GPC6: variants seen among roughly 807,000 people sequenced by gnomAD.
The protein encoded by GPC6 is glypican-6.
In GPC6, 14 loss-of-function variants were observed where a neutral mutation model predicts 55.2. That is an observed-to-expected ratio of 0.25 (90% CI 0.17 to 0.40). GPC6 has a LOEUF of 0.40. Among genes scored for constraint, GPC6 ranks in the 10% least tolerant of loss-of-function variants. The pLI is 1.00. For synonymous variants in GPC6, 278 were observed against 259.6 expected, an observed-to-expected ratio of 1.07 and a Z score of -0.68; for missense variants, 641 against 708.5, an observed-to-expected ratio of 0.90 and a Z score of 1.08.
chr13:93,885,921 A>G (rs1214294427), intron 3 of GPC6, among the ~76,000 whole-genome samples: 2 of 152,130 alleles, frequency 1.3e-5, no homozygotes, highest in African/African-American at 4.8e-5. Context: ...CCGGTGATGC[A>G]GGTGGTTGGT....
At chr13:93,610,371 A>G (rs1336084494) in intron 2 of GPC6, among the ~76,000 whole-genome samples, 1 of 152,188 alleles carries the variant, frequency 6.6e-6, no homozygotes, top group African/African-American at 2.4e-5. Flanking sequence ...CGCAACCCAG[A>G]ATGTGTGCGT....
intron 1 of GPC6, among the ~76,000 whole-genome samples, chr13:93,406,595 C>T (rs1416216239): frequency 6.6e-6 from 1 of 152,110 alleles, no homozygotes; most frequent in Non-Finnish European, 1.5e-5. Flanking sequence ...CTAACATAAA[C>T]CACTGAATAA....
intron 2 of GPC6, among the ~76,000 whole-genome samples, chr13:93,711,791 T>A (rs184092461): frequency 2.0e-5 from 3 of 151,678 alleles, no homozygotes; most frequent in Non-Finnish European, 4.4e-5. Context: ...CACCCAAGCA[T>A]AGCCTGGAAA....
At chr13:93,357,078 C>T (rs1293894044) in intron 1 of GPC6, among the ~76,000 whole-genome samples, 1 of 152,134 alleles carries the variant, frequency 6.6e-6, no homozygotes, top group Non-Finnish European at 1.5e-5. Context: ...GTGTATAACC[C>T]AGTTTCCTCC....
At chr13:93,969,502 A>C (rs1880191280) in intron 3 of GPC6, among the ~76,000 whole-genome samples, 1 of 152,136 alleles carries the variant, frequency 6.6e-6, no homozygotes, top group African/African-American at 2.4e-5. Context: ...CCAAGCAACC[A>C]TGAAGCTATC....
chr13:94,196,144 G>C (rs1889565527), intron 4 of GPC6, among the ~76,000 whole-genome samples: 1 of 151,390 alleles, frequency 6.6e-6, no homozygotes, highest in South Asian at 2.1e-4. Flanking sequence ...GAGGAAGCCG[G>C]GCCATACTGC....
chr13:93,488,198 C>G (rs923816160), intron 1 of GPC6, among the ~76,000 whole-genome samples: 7 of 152,050 alleles, frequency 4.6e-5, no homozygotes, highest in African/African-American at 1.4e-4. Context: ...CAAATCCCAA[C>G]TATTAGTGAG....
At chr13:94,044,399 T>G (rs542265745) in intron 4 of GPC6, among the ~76,000 whole-genome samples, 1 of 151,960 alleles carries the variant, frequency 6.6e-6, no homozygotes, top group African/African-American at 2.4e-5. Context: ...CGCCAAGGTC[T>G]GCTTGCAAAA....
At chr13:93,586,838 C>G (rs1255040755) in intron 2 of GPC6, among the ~76,000 whole-genome samples, 1 of 152,154 alleles carries the variant, frequency 6.6e-6, no homozygotes, top group Non-Finnish European at 1.5e-5. Flanking sequence ...TAGCTTCATT[C>G]TTACCAAATT....
Position 93,980,927 on chromosome 13 carries a change from C to T in GPC6, c.712-46802C>T, listed in dbSNP as rs147710674. ...GAGCACACCCTCAATAAATCACTTG[C>T]ACAAGAATCCCCATCTCAGAGCACT... On this transcript the variant is annotated intron_variant, in intron 3 of 8. Coordinates refer to ENST00000377047, the MANE Select transcript of GPC6 (RefSeq NM_005708.5). Among the ~76,000 whole-genome samples the T allele has an allele frequency of 1.7e-4, 26 of 152,230 alleles. No individual in the cohort carries two copies. In the East Asian group the frequency reaches 4.1e-3, roughly 24 times the overall value.
At chr13:93,516,798 C>A (rs897011197) in intron 1 of GPC6, among the ~76,000 whole-genome samples, 4 of 150,784 alleles carry the variant, frequency 2.7e-5, no homozygotes, top group Non-Finnish European at 4.5e-5. Context: ...TGCCTGTGGG[C>A]TCCTCTGAAT....
intron 2 of GPC6, 130 bp from the exon 3 acceptor site, chr13:93,830,024 T>C (rs1232448882): frequency 9.3e-6 from 6 of 642,942 alleles, no homozygotes; most frequent in Non-Finnish European, 1.6e-5. Flanking sequence ...TATCTGTCCA[T>C]TAACACCTTA....
chr13:93,224,865 A>T (rs1875715670), upstream of GPC6, among the ~76,000 whole-genome samples: 1 of 152,170 alleles, frequency 6.6e-6, no homozygotes, highest in Non-Finnish European at 1.5e-5. Flanking sequence ...ACCTACCCTA[A>T]ACTATTTGAC....
intron 1 of GPC6, among the ~76,000 whole-genome samples, chr13:93,403,123 C>G (rs1197643641): frequency 1.3e-5 from 2 of 152,104 alleles, no homozygotes; most frequent in East Asian, 3.9e-4. Context: ...TAAAATAGAT[C>G]AGATATACAT....
At chr13:93,664,677 A>G (rs9589808) in intron 2 of GPC6, among the ~76,000 whole-genome samples, 1 of 151,954 alleles carries the variant, frequency 6.6e-6, no homozygotes. Context: ...GAGTGCAGTC[A>G]TGTGATCTCG....
intron 3 of GPC6, among the ~76,000 whole-genome samples, chr13:94,010,326 A>G (rs1201521090): frequency 2.6e-5 from 4 of 152,204 alleles, no homozygotes; most frequent in African/African-American, 9.6e-5. Context: ...ACAGACATTA[A>G]CATCAGAAGG....
chr13:94,124,517 T>C lies in GPC6; in HGVS notation c.877+96623T>C, dbSNP rs547254426. 3.9e-5 allele frequency among the ~76,000 whole-genome samples: 6 copies of C among 152,044 alleles called. No individual in the cohort carries two copies. The South Asian group carries it at 1.2e-3, about 32-fold the overall frequency. Reference sequence around the variant, plus strand: ...TTTATGGTCTTGGAGAACAGGACTTTCTAGGCAGTAAAGGGGGTGAAAAAG... The same window carrying C: ...TTTATGGTCTTGGAGAACAGGACTTCCTAGGCAGTAAAGGGGGTGAAAAAG... On this transcript the variant is annotated intron_variant, in intron 4 of 8. Transcript: ENST00000377047.
At chr13:93,553,762 T>C (rs1310801410) in intron 2 of GPC6, among the ~76,000 whole-genome samples, 3 of 148,964 alleles carry the variant, frequency 2.0e-5, no homozygotes, top group Admixed American at 1.3e-4. Flanking sequence ...TTGAAGCTGG[T>C]TGATGAGTCT....
intron 2 of GPC6, among the ~76,000 whole-genome samples, chr13:93,617,526 T>C (rs1878773671): frequency 6.6e-6 from 1 of 152,128 alleles, no homozygotes. Context: ...AGAAGCTTTC[T>C]GAGGATGTTA....
Sources: gnomAD v4.1 joint callset for allele counts (sites outside exome capture counted in the v4.1 genomes callset) on GRCh38, gnomAD v4.1.1 for gene constraint, MANE v1.5 for transcripts, NCBI Gene and HGNC (gene_info 2026-07-23, HGNC 2026-07-21) for gene names.